JMJD8: variants seen among roughly 807,000 people sequenced by gnomAD.
JMJD8 encodes the protein jumonji domain containing 8.
JMJD8 carries 56 observed loss-of-function variants against 37.6 expected under a neutral mutation model. The observed-to-expected ratio is 1.49, with a 90% CI of 1.20 to 1.86. The LOEUF (loss-of-function observed/expected upper bound fraction) is 1.86. Ranked by LOEUF, JMJD8 falls within the 40% of genes most tolerant of loss-of-function variation. JMJD8 has a pLI of 0.00. For synonymous variants in JMJD8, 261 were observed against 163.7 expected (o/e 1.59, Z -4.54); for missense variants, 542 against 362.7 (o/e 1.49, Z -4.01).
In JMJD8 at chr16:682,226, G is replaced by A. The variant is rs768079742; in HGVS notation, c.*568C>T. 1 of 1,612,992 alleles carries A rather than the reference G, an allele frequency of 6.2e-7. No homozygotes were observed. Among genetic ancestry groups the A allele is most frequent in the Non-Finnish European group, 8.5e-7 (1 of 1,179,940 alleles). ...AGCTTTGAGCTGATGCGGGAGCCGT[G>A]CATCACGCCCAGTGGCATCACCTAC... On this transcript the variant is annotated 3_prime_UTR_variant, in exon 9 of 9. Transcript: ENST00000609261.
Position 681,992 on chromosome 16 carries a change from C to T in JMJD8, c.*802G>A, listed in dbSNP as rs2039679737. 6 of 1,610,688 alleles carry T rather than the reference C, an allele frequency of 3.7e-6. No individual in the cohort carries two copies. The highest frequency in any genetic ancestry group is 5.1e-6 in the Non-Finnish European group (6 of 1,178,898). On this transcript the variant is annotated 3_prime_UTR_variant, in exon 9 of 9. Transcript: ENST00000609261. ...TGGAGGAGGGAGGTGGGGTGTCTCCCCCAAGCACAGCACTCAACTCTTCAC... is the reference window on the plus strand; with the variant it reads ...TGGAGGAGGGAGGTGGGGTGTCTCCTCCAAGCACAGCACTCAACTCTTCAC...
At chr16:683,623 C>A in intron 4 of JMJD8, 25 bp from the exon 5 acceptor site, 2 of 1,575,892 alleles carry the variant, frequency 1.3e-6, no homozygotes, top group Non-Finnish European at 1.7e-6. Flanking sequence ...CGGGTCAGGA[C>A]CGTCTGGTCC....
chr16:682,137 C>A lies in JMJD8; in HGVS notation c.*657G>T. The A allele has an allele frequency of 6.3e-7, 1 of 1,593,238 alleles. No homozygotes were observed. The highest frequency in any genetic ancestry group is 8.6e-7 in the Non-Finnish European group (1 of 1,163,876). On this transcript the variant is annotated 3_prime_UTR_variant, in exon 9 of 9. Transcript: ENST00000609261. Reference sequence around the variant, plus strand: ...GTGCTCGTGCAGTGCCCCTTTTCAGCCTCTGACCGTGTGCCCCTGTGCCAC... The same window carrying A: ...GTGCTCGTGCAGTGCCCCTTTTCAGACTCTGACCGTGTGCCCCTGTGCCAC...
chr16:684,243 T>C lies in JMJD8; in HGVS notation c.77A>G (p.Asp26Gly). The change falls in exon 1 of 9, where the codon GAC (aspartate) becomes GGC (glycine). Residue 26 changes from aspartate to glycine, a missense_variant. By Grantham distance (94) the Asp-to-Gly change is moderately conservative. Coordinates refer to ENST00000609261, the MANE Select transcript of JMJD8 (RefSeq NM_001005920.4). ...VALPGSGAEG[D>G]GGWRPGGPGA... ...CTCCCGGGCCGCTCACCACCCGCCG[T>C]CGCCCTCCGCCCCGGAGCCGGGTAG... 1 of 1,350,294 alleles carries C rather than the reference T, an allele frequency of 7.4e-7. No individual in the cohort carries two copies. Among genetic ancestry groups the C allele is most frequent in the Non-Finnish European group, 9.4e-7 (1 of 1,059,864 alleles). The allele number at this position is 1,350,294 out of a possible 1,614,324, so 83.6% of individuals were successfully genotyped here. A position where few individuals can be genotyped will look rare whatever the true frequency, so the allele number is the denominator to read the frequency against.
rs1479492069 is a variant in JMJD8, at chr16:683,906, G to T, written c.180C>A (p.Tyr60Ter). ...DLTYAEFVQQ[Y>*]AFVRPVILQG... ...GCAGGATGACGGGCCTGACGAAGGCGTACCTGGAAAGAAGGGCAGAGTCGC... is the reference window on the plus strand; with the variant it reads ...GCAGGATGACGGGCCTGACGAAGGCTTACCTGGAAAGAAGGGCAGAGTCGC... The change falls in exon 3 of 9, where the codon TAC (tyrosine) becomes TAA (stop). Residue 60 changes from tyrosine (Y) to a stop codon, truncating the protein, a stop_gained. Transcript: ENST00000609261. LOFTEE classifies it high-confidence loss of function. 1.3e-6 allele frequency: 2 copies of T among 1,578,604 alleles called. No individual in the cohort carries two copies. Among genetic ancestry groups the T allele is most frequent in the South Asian group, 2.3e-5 (2 of 86,838 alleles).
rs1285941878 is a variant in JMJD8, at chr16:683,194, C to G, written c.552G>C (p.Gly184=). The change falls in exon 7 of 9, where the codon GGG becomes GGC. Residue 184 remains glycine, a synonymous_variant. Coordinates refer to ENST00000609261, the MANE Select transcript of JMJD8 (RefSeq NM_001005920.4). ...TACGACCGTAGATCACTTCTGAGTA[C>G]CCGGGTCCATGCCAGTGGAAGGGCA... ...SGVPFHWHGP[G]YSEVIYGRKR... is the part of the protein sequence containing the mutation. 6.2e-7 allele frequency: 1 copy of G among 1,613,282 alleles called. No homozygotes were observed. Among genetic ancestry groups the G allele is most frequent in the South Asian group, 1.1e-5 (1 of 91,080 alleles).
Position 682,621 on chromosome 16 carries a change from TC to T in JMJD8, c.*172del. On this transcript the variant is annotated 3_prime_UTR_variant, in exon 9 of 9. Coordinates refer to ENST00000609261, the MANE Select transcript of JMJD8 (RefSeq NM_001005920.4). The stretch of plus-strand genomic sequence containing the variant: ...TTCTGCTGTTGGACTCTGGACTGTT[TC>T]CCCTCTCAGCATCGCTTTTGCTGGG... The T allele has an allele frequency of 6.9e-7, 1 of 1,453,250 alleles. No homozygotes were observed. The highest frequency in any genetic ancestry group is 1.3e-5 in the South Asian group (1 of 78,394). The allele number at this position is 1,453,250 out of a possible 1,614,324, so 90.0% of individuals were successfully genotyped here. A position where few individuals can be genotyped will look rare whatever the true frequency, so the allele number is the denominator to read the frequency against.
At chr16:684,013 G>T in intron 2 of JMJD8, 53 bp downstream of exon 2, 1 of 1,563,102 alleles carries the variant, frequency 6.4e-7, no homozygotes. Context: ...GGGCGGTCGG[G>T]GCAGACGGGC....
Position 682,836 on chromosome 16 carries a change from G to T in JMJD8, c.753C>A (p.Leu251=). 1 of 1,613,028 alleles carries T rather than the reference G, an allele frequency of 6.2e-7. No individual in the cohort carries two copies. The highest frequency in any genetic ancestry group is 1.1e-5 in the South Asian group (1 of 91,050). The change falls in exon 9 of 9, where the codon CTC becomes CTA. Residue 251 remains leucine (L), a synonymous_variant. Coordinates refer to ENST00000609261, the MANE Select transcript of JMJD8 (RefSeq NM_001005920.4). The part of the protein sequence containing the change: ...YFPDRWWHAT[L]NLDTSVFIST... Reference sequence around the variant, plus strand: ...AGATGAAGACGCTGGTGTCAAGGTTGAGCGTAGCATGCCACCAGCGGTCGG... The same window carrying T: ...AGATGAAGACGCTGGTGTCAAGGTTTAGCGTAGCATGCCACCAGCGGTCGG...
In JMJD8 at chr16:683,048, G is replaced by C. The variant is rs1358344908; in HGVS notation, c.619C>G (p.His207Asp). The C allele has an allele frequency of 6.2e-7, 1 of 1,613,602 alleles. No homozygotes were observed. The highest frequency in any genetic ancestry group is 1.1e-5 in the South Asian group (1 of 91,092). The change falls in exon 8 of 9, where the codon CAC (histidine) becomes GAC (aspartate). Residue 207 changes from histidine to aspartate, a missense_variant. Transcript: ENST00000609261. Reference protein sequence around the residue: ...LYPPEKTPEFHPNKTTLAWLR... With the variant: ...LYPPEKTPEFDPNKTTLAWLR... ...CAGGCCAGCGTGGTCTTGTTGGGGT[G>C]GAACTCTGGCGTCTTCTCAGGTGGG...
rs1420828417 is a variant in JMJD8, at chr16:683,616, G to A, written c.323-18C>T. 1 of 1,575,938 alleles carries A rather than the reference G, an allele frequency of 6.3e-7. No homozygotes were observed. Among genetic ancestry groups the A allele is most frequent in the Non-Finnish European group, 8.6e-7 (1 of 1,161,270 alleles). On this transcript the variant is annotated intron_variant, in intron 4 of 8. Transcript: ENST00000609261. The stretch of plus-strand genomic sequence containing the variant: ...CAAGTCCACTGCAGGAAAGAGACGG[G>A]TCAGGACCGTCTGGTCCAGCCGCCC...
Position 683,769 on chromosome 16 carries a change from G to A in JMJD8, c.238C>T (p.Leu80=), listed in dbSNP as rs1349772220. The A allele has an allele frequency of 6.2e-7, 1 of 1,607,916 alleles. No homozygotes were observed. Among genetic ancestry groups the A allele is most frequent in the Non-Finnish European group, 8.5e-7 (1 of 1,177,834 alleles). Reference sequence around the variant, plus strand: ...GCCAGCAACCTGTCGCGGGAGCACAGGGCCCGGAACCTCTGCGGGGGCGGG... The same window carrying A: ...GCCAGCAACCTGTCGCGGGAGCACAAGGCCCGGAACCTCTGCGGGGGCGGG... ...GLTDNSRFRA[L]CSRDRLLASF... is the part of the protein sequence containing the mutation. The change falls in exon 4 of 9, where the codon CTG becomes TTG. Residue 80 remains leucine (L), a synonymous_variant. Coordinates refer to ENST00000609261, the MANE Select transcript of JMJD8 (RefSeq NM_001005920.4).
At position 684,329 on chromosome 16, in the gene JMJD8, G is replaced by C; in HGVS notation, c.-10C>G. ...GCGACGCCGGCGCCATGAGCCTGCC[G>C]CCCTCAGGCAGCCGCGCTGCACGCC... On this transcript the variant is annotated 5_prime_UTR_variant, in exon 1 of 9. Coordinates refer to ENST00000609261, the MANE Select transcript of JMJD8 (RefSeq NM_001005920.4). 1 of 1,503,070 alleles carries C rather than the reference G, an allele frequency of 6.7e-7. No homozygotes were observed. Among genetic ancestry groups the C allele is most frequent in the South Asian group, 1.2e-5 (1 of 80,510 alleles). The allele number at this position is 1,503,070 out of a possible 1,614,324, so 93.1% of individuals were successfully genotyped here.
rs775604326 is a variant in JMJD8, at chr16:683,564, C to G, written c.357G>C (p.Leu119=). The G allele has an allele frequency of 1.3e-6, 2 of 1,573,538 alleles. No individual in the cohort carries two copies. Among genetic ancestry groups the G allele is most frequent in the East Asian group, 4.7e-5 (2 of 42,768 alleles). Residue 119 remains leucine, a synonymous_variant, in exon 5 of 9, where the codon CTG becomes CTC. Transcript: ENST00000609261. ...GGGAGGTGGGGTCCTGGGGGTGCAGCAGCTGCTCCACATACTCCTGGAAGG... is the reference window on the plus strand; with the variant it reads ...GGGAGGTGGGGTCCTGGGGGTGCAGGAGCTGCTCCACATACTCCTGGAAGG... The part of the protein sequence containing the change: ...DLPFQEYVEQ[L]LHPQDPTSLG...
At position 682,598 on chromosome 16, in the gene JMJD8, C is replaced by T. The variant is rs2039717094; in HGVS notation, c.*196G>A. 11 of 1,514,276 alleles carry T rather than the reference C, an allele frequency of 7.3e-6. No individual in the cohort carries two copies. Among genetic ancestry groups the T allele is most frequent in the Admixed American group, 1.8e-5 (1 of 54,532 alleles). The allele number at this position is 1,514,276 out of a possible 1,614,324, so 93.8% of individuals were successfully genotyped here. On this transcript the variant is annotated 3_prime_UTR_variant, in exon 9 of 9. Coordinates refer to ENST00000609261, the MANE Select transcript of JMJD8 (RefSeq NM_001005920.4). Reference sequence around the variant, plus strand: ...CCACCCCGACCGCTTCCCCCAAGTTCTGCTGTTGGACTCTGGACTGTTTCC... The same window carrying T: ...CCACCCCGACCGCTTCCCCCAAGTTTTGCTGTTGGACTCTGGACTGTTTCC...
At position 684,299 on chromosome 16, in the gene JMJD8, C is replaced by A. The variant is rs1353831673; in HGVS notation, c.21G>T (p.Leu7Phe). ...CAGCCGCCAGCGCCCAGAGCGCGAG[C>A]AACCGCGACGCCGGCGCCATGAGCC... MAPASR[L>F]LALWALAAVA... Residue 7 changes from leucine to phenylalanine, a missense_variant, in exon 1 of 9, where the codon TTG (leucine) becomes TTT (phenylalanine). Transcript: ENST00000609261. 4.1e-6 allele frequency: 6 copies of A among 1,479,196 alleles called. No homozygotes were observed. Among genetic ancestry groups the A allele is most frequent in the East Asian group, 2.9e-5 (1 of 34,636 alleles). The allele number at this position is 1,479,196 out of a possible 1,614,324, so 91.6% of individuals were successfully genotyped here.
chr16:684,086 G>A lies in JMJD8; in HGVS notation c.156C>T (p.Thr52=), dbSNP rs1176260048. 8.2e-6 allele frequency: 13 copies of A among 1,577,156 alleles called. No individual in the cohort carries two copies. The highest frequency in any genetic ancestry group is 1.1e-5 in the South Asian group (1 of 87,984). Residue 52 remains threonine, a synonymous_variant, in exon 2 of 9, where the codon ACC becomes ACT. Transcript: ENST00000609261. ...CGTACTGCTGCACGAACTCCGCGTA[G>A]GTGAGGTCGGCCCGACGCTCCACCG... ...RCTVERRADL[T]YAEFVQQYAF... is the part of the protein sequence containing the mutation.
Position 684,188 on chromosome 16 carries a change from CCCGCCGCACGTGACCCCA to C in JMJD8, c.86+28_87-34del, listed in dbSNP as rs1445552046. 3.0e-6 allele frequency: 4 copies of C among 1,322,898 alleles called. No individual in the cohort carries two copies. The African/African-American group carries it at 6.2e-5, about 21-fold the overall frequency. The allele number at this position is 1,322,898 out of a possible 1,614,324, so 81.9% of individuals were successfully genotyped here. On this transcript the variant is annotated intron_variant, in intron 1 of 8. Transcript: ENST00000609261. Reference sequence around the variant, plus strand: ...CACAGCTGGGTCAGCCCGCGCCCCGCCCGCCGCACGTGACCCCACCGCCCGGCCCCTCCCGGGCCGCTC... The same window carrying C: ...CACAGCTGGGTCAGCCCGCGCCCCGCCCGCCCGGCCCCTCCCGGGCCGCTC...
In JMJD8 at chr16:681,942, C is replaced by A; in HGVS notation, c.*852G>T. ...TGTGCACGTGGCGTGGGAGCATCCC[C>A]GCCTTGTGTTGGGTCTGTGCCCCAT... On this transcript the variant is annotated 3_prime_UTR_variant, in exon 9 of 9. Coordinates refer to ENST00000609261, the MANE Select transcript of JMJD8 (RefSeq NM_001005920.4). The A allele has an allele frequency of 6.2e-7, 1 of 1,612,714 alleles. No individual in the cohort carries two copies. The highest frequency in any genetic ancestry group is 8.5e-7 in the Non-Finnish European group (1 of 1,179,360).
Sources: allele counts gnomAD v4.1 joint callset, GRCh38; gene constraint gnomAD v4.1.1; transcripts MANE v1.5; gene names NCBI Gene and HGNC (gene_info 2026-07-23, HGNC 2026-07-21).